The following TELO2 variants were observed in gnomAD, a reference collection of about 807,000 sequenced individuals.
The protein encoded by TELO2 is telomere length regulation protein TEL2 homolog.
TELO2 carries 71 observed loss-of-function variants against 91.0 expected under a neutral mutation model. That is an observed-to-expected ratio of 0.78 (90% CI 0.64 to 0.95). The LOEUF is 0.95. Ranked by LOEUF, TELO2 falls within the 40% of genes least tolerant of loss-of-function variation. The pLI, the probability that TELO2 is intolerant of heterozygous loss-of-function variation, is 0.00. For synonymous variants in TELO2, 584 were observed against 518.9 expected (o/e 1.13, Z -1.71); for missense variants, 1,183 against 1,141.3 (o/e 1.04, Z -0.53).
intron 17 of TELO2, 80 bp from the exon 18 acceptor site, chr16:1,506,872 G>A (rs541898756): frequency 1.4e-5 from 21 of 1,474,032 alleles, no homozygotes; most frequent in East Asian, 5.0e-5. Flanking sequence ...GGGCTCCCTC[G>A]GTCTCCCACG....
intron 9 of TELO2, among the ~76,000 whole-genome samples, chr16:1,501,006 G>A (rs943783587): frequency 6.6e-6 from 1 of 152,218 alleles, no homozygotes; most frequent in African/African-American, 2.4e-5. Context: ...TTGTCCGGCC[G>A]GGGCTGCAGG....
chr16:1,506,595 G>A lies in TELO2; in HGVS notation c.2126+266G>A, dbSNP rs988334885. 2.6e-5 allele frequency: 36 copies of A among 1,398,500 alleles called. No homozygotes were observed. The African/African-American group carries it at 3.8e-4, about 15-fold the overall frequency. 86.6% of individuals were successfully genotyped at this position (1,398,500 alleles called of 1,614,324 possible). A position where few individuals can be genotyped will look rare whatever the true frequency, so the allele number is the denominator to read the frequency against. On this transcript the variant is annotated intron_variant, in intron 17 of 20. Coordinates refer to ENST00000262319, the MANE Select transcript of TELO2 (RefSeq NM_016111.4). ...GCAGTGCCGCCCGCACGTGCCCGAC[G>A]CCATCACCTGCTGGGCCCTGCTCGC...
Position 1,495,374 on chromosome 16 carries a change from C to T in TELO2, c.364C>T (p.Arg122Trp), listed in dbSNP as rs756714369. Reference protein sequence around the residue: ...GPSFRLMKMARLLARFLREGR... With the variant: ...GPSFRLMKMAWLLARFLREGR... ...CAGCTTCCGGCTGATGAAGATGGCG[C>T]GGCTGCTGGCCAGATTCCTGCGCGA... Residue 122 changes from arginine to tryptophan, a missense_variant, in exon 3 of 21, where the codon CGG (arginine) becomes TGG (tryptophan). By Grantham distance (101) the Arg-to-Trp change is moderately radical. Coordinates refer to ENST00000262319, the MANE Select transcript of TELO2 (RefSeq NM_016111.4). 25 of 1,561,156 alleles carry T rather than the reference C, an allele frequency of 1.6e-5. No individual in the cohort carries two copies. Among genetic ancestry groups the T allele is most frequent in the South Asian group, 8.1e-5 (7 of 85,952 alleles).
intron 17 of TELO2, 51 bp from the exon 18 acceptor site, chr16:1,506,901 G>T: frequency 6.5e-7 from 1 of 1,532,164 alleles, no homozygotes. Flanking sequence ...GGAGGTTGGG[G>T]ACCTGGCCCT....
rs142753188 is a variant in TELO2 at position 1,497,044 on chromosome 16, G to A, written c.622G>A (p.Asp208Asn). 6.2e-7 allele frequency: 1 copy of A among 1,614,004 alleles called. No individual in the cohort carries two copies. Among genetic ancestry groups the A allele is most frequent in the Admixed American group, 1.7e-5 (1 of 59,988 alleles). The change falls in exon 4 of 21, where the codon GAT becomes AAT. Residue 208 changes from aspartate to asparagine, a missense_variant. By Grantham distance (23) the Asp-to-Asn change is conservative. Transcript: ENST00000262319. This position sits in a 1 kb window ranked among gnomAD's most constrained non-coding sequence, Gnocchi z 4.0. ...AVVDSLQGGL[D>N]SSVSFVSQVL... is the part of the protein sequence containing the mutation. ...CTCCCTTTCTGTCCCAGGTGGCCTG[G>A]ATTCCTCCGTGTCCTTCGTGTCTCA... is the stretch of plus-strand genomic sequence containing the variant.
At chr16:1,503,142 G>A (rs989420551) in intron 15 of TELO2, 140 bp downstream of exon 15, 27 of 932,260 alleles carry the variant, frequency 2.9e-5, no homozygotes, top group East Asian at 9.8e-5. Context: ...TGTGTGACCC[G>A]GCAGGACTCA....
rs969872537 is a variant in TELO2, at chr16:1,497,968, C to T, written c.830+460C>T. ...CCTCAGATGTCTCCCCTCCCTTCAACGTGTGCAAGGACATACCTGTCTCTG... is the reference window on the plus strand; with the variant it reads ...CCTCAGATGTCTCCCCTCCCTTCAATGTGTGCAAGGACATACCTGTCTCTG... On this transcript the variant is annotated intron_variant, in intron 5 of 20. Coordinates refer to ENST00000262319, the MANE Select transcript of TELO2 (RefSeq NM_016111.4). The surrounding 1 kb of genome is among the most constrained non-coding windows in gnomAD (Gnocchi z 4.0). Among the ~76,000 whole-genome samples, 2 of 151,972 alleles carry T rather than the reference C, an allele frequency of 1.3e-5. No individual in the cohort carries two copies. Among genetic ancestry groups the T allele is most frequent in the African/African-American group, 4.8e-5 (2 of 41,372 alleles).
chr16:1,502,886 GC>G, intron 14 of TELO2, 44 bp from the exon 15 acceptor site: 1 of 1,606,886 alleles, frequency 6.2e-7, no homozygotes. Context: ...GCCCCGGGTG[GC>G]CCTCAGGTCC....
chr16:1,506,540 T>C (rs1313271723), intron 17 of TELO2: 2 of 1,430,694 alleles, frequency 1.4e-6, no homozygotes, highest in African/African-American at 1.4e-5. Flanking sequence ...ACCAGGCATC[T>C]GCTCCGATGC....
intron 17 of TELO2, 192 bp from the exon 18 acceptor site, chr16:1,506,760 C>T: frequency 7.1e-7 from 1 of 1,405,212 alleles, no homozygotes; most frequent in Non-Finnish European, 9.3e-7. Flanking sequence ...CCCAGGTGGA[C>T]TTGTGCCAGA....
Position 1,500,489 on chromosome 16 carries a change from G to C in TELO2, c.1144+1G>C. ...CCGGAACTGCGGGACAGCCGGGATG[G>C]TGAGCGGGTGGTTTGGGCTCCCCCC... On this transcript the variant is annotated splice_donor_variant, in intron 8 of 20. Transcript: ENST00000262319. LOFTEE classifies it high-confidence loss of function. The C allele has an allele frequency of 6.2e-7, 1 of 1,610,510 alleles. No homozygotes were observed.
rs2039552022 is a variant in TELO2 at position 1,497,937 on chromosome 16, C to T, written c.830+429C>T. On this transcript the variant is annotated intron_variant, in intron 5 of 20. Transcript: ENST00000262319. The surrounding 1 kb of genome is among the most constrained non-coding windows in gnomAD (Gnocchi z 4.0). The stretch of plus-strand genomic sequence containing the variant: ...TTTACCCCCACAAACCCTGCCAGCT[C>T]ACCTGCCTCAGATGTCTCCCCTCCC... 6.6e-6 allele frequency among the ~76,000 whole-genome samples: 1 copy of T among 152,144 alleles called. No homozygotes were observed. Among genetic ancestry groups the T allele is most frequent in the African/African-American group, 2.4e-5 (1 of 41,424 alleles).
chr16:1,497,481 T>C lies in TELO2; in HGVS notation c.803T>C (p.Leu268Pro). Residue 268 changes from leucine to proline, a missense_variant, in exon 5 of 21, where the codon CTG becomes CCG. Leu to Pro is a moderately conservative substitution (Grantham distance 98). Transcript: ENST00000262319. This position sits in a 1 kb window ranked among gnomAD's most constrained non-coding sequence, Gnocchi z 4.0. ...QVPDRAMEAVLTGLVEAALGP... is the reference protein window; with the variant it reads ...QVPDRAMEAVPTGLVEAALGP... ...CCGGACCGGGCCATGGAGGCTGTGC[T>C]GACCGGGCTGGTGGAGGCCGCACTG... 1 of 1,573,890 alleles carries C rather than the reference T, an allele frequency of 6.4e-7. No homozygotes were observed. Among genetic ancestry groups the C allele is most frequent in the African/African-American group, 1.4e-5 (1 of 74,030 alleles).
At chr16:1,501,598 T>A (rs979956253) in intron 10 of TELO2, 65 bp from the exon 11 acceptor site, 45 of 1,570,634 alleles carry the variant, frequency 2.9e-5, no homozygotes, top group Non-Finnish European at 3.9e-5. Context: ...CTTTCTGTCC[T>A]GTGAGTCCTG....
rs1366746209 is a variant in TELO2, at chr16:1,494,281, G to A, written c.-1G>A. On this transcript the variant is annotated 5_prime_UTR_variant, in exon 2 of 21. Coordinates refer to ENST00000262319, the MANE Select transcript of TELO2 (RefSeq NM_016111.4). This position sits in a 1 kb window ranked among gnomAD's most constrained non-coding sequence, Gnocchi z 5.6. ...CGTGACGCCCAGATCTGTCCTGCAG[G>A]ATGGAGCCAGCACCCTCAGAGGTTC... is the stretch of plus-strand genomic sequence containing the variant. 1 of 1,611,594 alleles carries A rather than the reference G, an allele frequency of 6.2e-7. No individual in the cohort carries two copies. The highest frequency in any genetic ancestry group is 8.5e-7 in the Non-Finnish European group (1 of 1,178,794).
At chr16:1,507,481 C>A in intron 19 of TELO2, 111 bp downstream of exon 19, 2 of 1,508,324 alleles carry the variant, frequency 1.3e-6, no homozygotes, top group Non-Finnish European at 1.8e-6. Flanking sequence ...TGGCCTGGTA[C>A]TTCCCAAATA....
In TELO2 at chr16:1,507,628, C is replaced by T. The variant is rs759218291; in HGVS notation, c.2319C>T (p.Ala773=). 9.4e-6 allele frequency: 15 copies of T among 1,596,358 alleles called. No individual in the cohort carries two copies. The highest frequency in any genetic ancestry group is 2.7e-5 in the African/African-American group (2 of 74,872). Residue 773 remains alanine, a synonymous_variant, in exon 20 of 21, where the codon GCC becomes GCT. Coordinates refer to ENST00000262319, the MANE Select transcript of TELO2 (RefSeq NM_016111.4). ...ACGTGCGCCAGGGGCTGTTGTCGGC[C>T]GTCTCCTCCGTCCTGCTCAGCCTGC... ...DAYVRQGLLS[A]VSSVLLSLPA...
intron 17 of TELO2, 162 bp downstream of exon 17, chr16:1,506,491 C>T: frequency 6.8e-7 from 1 of 1,476,370 alleles, no homozygotes. Context: ...CAGGGAGCGT[C>T]CCGCAAGATT....
At position 1,502,300 on chromosome 16, in the gene TELO2, G is replaced by C. The variant is rs199765587; in HGVS notation, c.1562-13G>C. The C allele has an allele frequency of 8.1e-6, 13 of 1,595,318 alleles. No homozygotes were observed. The highest frequency in any genetic ancestry group is 2.3e-5 in the East Asian group (1 of 44,210). On this transcript the variant is annotated splice_polypyrimidine_tract_variant and intron_variant, in intron 12 of 20. Transcript: ENST00000262319. ...GGCTGAGGCTGACCGAGGCCTCTCT[G>C]GGTTCTGTGCAGCCCTGACCACGTC...
Sources: gnomAD v4.1 joint callset for allele counts (sites outside exome capture counted in the v4.1 genomes callset) on GRCh38, gnomAD v4.1.1 for gene constraint, Gnocchi (gnomAD v3.1) non-coding constraint, MANE v1.5 for transcripts, NCBI Gene and HGNC (gene_info 2026-07-23, HGNC 2026-07-21) for gene names.